The following ZNF804A variants were observed in gnomAD, a reference collection of about 807,000 sequenced individuals.
ZNF804A encodes the protein zinc finger protein 804A.
A neutral mutation model predicts 16.5 loss-of-function variants in ZNF804A; 2 were observed. That is an observed-to-expected ratio of 0.12 (90% CI 0.05 to 0.38). ZNF804A has a LOEUF of 0.38. Among genes scored for constraint, ZNF804A ranks in the 10% least tolerant of loss-of-function variants. The pLI is 0.99. For missense variants in ZNF804A, 1,473 were observed against 1,390.7 expected, an observed-to-expected ratio of 1.06 and a Z score of -0.94; for synonymous variants, 534 against 489.6, an observed-to-expected ratio of 1.09 and a Z score of -1.20.
intron 1 of ZNF804A, among the ~76,000 whole-genome samples, chr2:184,772,118 A>G (rs969313868): frequency 1.4e-4 from 21 of 151,942 alleles, no homozygotes; most frequent in Non-Finnish European, 2.8e-4. Context: ...CTATAAACAT[A>G]AATATAAGAT....
rs562023859 is a variant in ZNF804A, at chr2:184,691,365, A to G, written c.111+92295A>G. Among the ~76,000 whole-genome samples, 3 of 152,056 alleles carry G rather than the reference A, an allele frequency of 2.0e-5. No homozygotes were observed. The East Asian group carries it at 5.8e-4, about 29-fold the overall frequency. ...AATAAGTTGATGCTCTACAGGATTT[A>G]TGTTCCTTTTGTTCCAAGTCAATTG... On this transcript the variant is annotated intron_variant, in intron 1 of 3. Coordinates refer to ENST00000302277, the MANE Select transcript of ZNF804A (RefSeq NM_194250.2).
intron 2 of ZNF804A, among the ~76,000 whole-genome samples, chr2:184,909,630 A>T: frequency 6.6e-6 from 1 of 152,046 alleles, no homozygotes; most frequent in Non-Finnish European, 1.5e-5. Context: ...ATAATTTTGA[A>T]AAACAGTTAT....
intron 1 of ZNF804A, among the ~76,000 whole-genome samples, chr2:184,653,253 A>G (rs1692018066): frequency 6.6e-6 from 1 of 152,202 alleles, no homozygotes; most frequent in South Asian, 2.1e-4. Flanking sequence ...AAGAATTAAA[A>G]ACTTAAATAT....
chr2:184,913,562 C>T (rs750300060), intron 2 of ZNF804A, among the ~76,000 whole-genome samples: 3 of 152,156 alleles, frequency 2.0e-5, no homozygotes, highest in South Asian at 4.2e-4. Context: ...GTTCCTTTTC[C>T]TTTTTCCAGG....
In ZNF804A at chr2:184,930,083, T is replaced by TA. The variant is rs201182873; in HGVS notation, c.256-3512dup. On this transcript the variant is annotated intron_variant, in intron 2 of 3. Coordinates refer to ENST00000302277, the MANE Select transcript of ZNF804A (RefSeq NM_194250.2). Reference sequence around the variant, plus strand: ...TGAAAGTAAAAATATTTTCTTTAATTAAAAAAAATCTCAGCCTTTTAACAG... The same window carrying TA: ...TGAAAGTAAAAATATTTTCTTTAATTAAAAAAAAATCTCAGCCTTTTAACAG... Among the ~76,000 whole-genome samples the TA allele has an allele frequency of 5.1e-3, 781 of 152,152 alleles. 6 individuals carry two copies. Among genetic ancestry groups the TA allele is most frequent in the Non-Finnish European group, 7.8e-3 (527 of 67,990 alleles).
chr2:184,608,412 A>G (rs1187885778), intron 1 of ZNF804A, among the ~76,000 whole-genome samples: 8 of 152,324 alleles, frequency 5.3e-5, no homozygotes, highest in Admixed American at 3.3e-4. Flanking sequence ...ATCTAGGAGC[A>G]AAGAGAAACA....
intron 2 of ZNF804A, among the ~76,000 whole-genome samples, 194 bp downstream of exon 2, chr2:184,866,706 C>A (rs1695882490): frequency 6.7e-6 from 1 of 148,154 alleles, no homozygotes; most frequent in South Asian, 2.1e-4. Flanking sequence ...AAAAAAGGCA[C>A]CAATAGCAAA....
rs73043251 is a variant in ZNF804A, at chr2:184,691,551, A to G, written c.111+92481A>G. Among the ~76,000 whole-genome samples the G allele has an allele frequency of 7.1e-3, 1,082 of 151,900 alleles. 11 individuals are homozygous for G. The highest frequency in any genetic ancestry group is 0.025 in the African/African-American group (1,037 of 41,532). Reference sequence around the variant, plus strand: ...AATCTATACATAAACCTTTATGTAAATAGACATCAGCACAAACTGATATTT... The same window carrying G: ...AATCTATACATAAACCTTTATGTAAGTAGACATCAGCACAAACTGATATTT... On this transcript the variant is annotated intron_variant, in intron 1 of 3. Coordinates refer to ENST00000302277, the MANE Select transcript of ZNF804A (RefSeq NM_194250.2).
intron 1 of ZNF804A, among the ~76,000 whole-genome samples, chr2:184,857,437 G>T (rs1695705819): frequency 6.6e-6 from 1 of 152,108 alleles, no homozygotes; most frequent in Non-Finnish European, 1.5e-5. Flanking sequence ...CACTTGAGAA[G>T]AAAGTATTTC....
intron 1 of ZNF804A, among the ~76,000 whole-genome samples, chr2:184,710,695 C>T (rs962768807): frequency 6.6e-6 from 1 of 151,730 alleles, no homozygotes; most frequent in Non-Finnish European, 1.5e-5. Context: ...CCCTAGCAGT[C>T]ATCTTTCTAT....
intron 1 of ZNF804A, among the ~76,000 whole-genome samples, chr2:184,708,742 A>G (rs1693075639): frequency 6.6e-6 from 1 of 152,148 alleles, no homozygotes; most frequent in Admixed American, 6.6e-5. Flanking sequence ...CTCTATAAAT[A>G]TATACACTAT....
chr2:184,933,741 T>C lies in ZNF804A; in HGVS notation c.386+8T>C. ...AAGAAAGGAAACTGTATGGTGAGTA[T>C]CCAATGAAATTGTAAGTTTTCTTAA... On this transcript the variant is annotated splice_region_variant and intron_variant, in intron 3 of 3. Transcript: ENST00000302277. 2.5e-6 allele frequency: 4 copies of C among 1,590,982 alleles called. No individual in the cohort carries two copies. Among genetic ancestry groups the C allele is most frequent in the Non-Finnish European group, 3.4e-6 (4 of 1,173,708 alleles).
intron 1 of ZNF804A, among the ~76,000 whole-genome samples, chr2:184,620,191 A>T (rs1559110058): frequency 6.6e-6 from 1 of 151,832 alleles, no homozygotes; most frequent in Admixed American, 6.6e-5. Flanking sequence ...GCTCTAGCTT[A>T]TAAATATCTC....
intron 1 of ZNF804A, among the ~76,000 whole-genome samples, chr2:184,642,993 T>C (rs1217638400): frequency 1.3e-5 from 2 of 152,140 alleles, no homozygotes; most frequent in Admixed American, 6.5e-5. Context: ...TTCTCTTTTA[T>C]TGATCTACAG....
chr2:184,772,469 T>A (rs959088645), intron 1 of ZNF804A, among the ~76,000 whole-genome samples: 2 of 152,008 alleles, frequency 1.3e-5, no homozygotes, highest in Admixed American at 1.3e-4. Flanking sequence ...ATTATGTCAC[T>A]CTTTTTATAG....
intron 1 of ZNF804A, among the ~76,000 whole-genome samples, chr2:184,658,793 G>T (rs937964137): frequency 6.6e-6 from 1 of 152,176 alleles, no homozygotes; most frequent in Non-Finnish European, 1.5e-5. Context: ...ATCTTTTCAG[G>T]TTATGTTTCA....
intron 1 of ZNF804A, among the ~76,000 whole-genome samples, chr2:184,620,343 A>T (rs1691398107): frequency 6.6e-6 from 1 of 151,788 alleles, no homozygotes; most frequent in South Asian, 2.1e-4. Context: ...AAAAATTGCT[A>T]GTTCTGCAAA....
intron 1 of ZNF804A, among the ~76,000 whole-genome samples, chr2:184,785,067 T>C (rs1382678253): frequency 5.3e-5 from 8 of 152,034 alleles, no homozygotes; most frequent in African/African-American, 9.7e-5. Context: ...ACATTTCTAT[T>C]GCTCATAAAA....
At chr2:184,812,067 C>T (rs1010359551) in intron 1 of ZNF804A, among the ~76,000 whole-genome samples, 28 of 152,140 alleles carry the variant, frequency 1.8e-4, no homozygotes, top group African/African-American at 6.8e-4. Context: ...CTCTGAATTC[C>T]AGCAGTGCTA....
Sources: gnomAD v4.1 joint callset for allele counts (sites outside exome capture counted in the v4.1 genomes callset) on GRCh38, gnomAD v4.1.1 for gene constraint, MANE v1.5 for transcripts, NCBI Gene and HGNC (gene_info 2026-07-23, HGNC 2026-07-21) for gene names.